The following DOCK3 variants were observed in gnomAD, a reference collection of about 807,000 sequenced individuals.
DOCK3 encodes the protein dedicator of cytokinesis protein 3.
A neutral mutation model predicts 265.6 loss-of-function variants in DOCK3; 60 were observed. The ratio of observed to expected loss-of-function variants is 0.23; its 90% CI spans 0.18 to 0.28. The LOEUF is 0.28. Ranked by LOEUF, DOCK3 falls within the 10% of genes least tolerant of loss-of-function variation. The pLI is 1.00. For synonymous variants in DOCK3, 881 were observed against 938.0 expected (o/e 0.94, Z 1.11); for missense variants, 1,981 against 2,594.3 (o/e 0.76, Z 5.14).
In DOCK3 at chr3:51,383,506, C is replaced by A. The variant is rs142916114; in HGVS notation, c.*1947C>A. 1.3e-5 allele frequency: 2 copies of A among 152,414 alleles called. No homozygotes were observed. Among genetic ancestry groups the A allele is most frequent in the East Asian group, 3.9e-4 (2 of 5,184 alleles). 9.4% of individuals were successfully genotyped at this position (152,414 alleles called of 1,614,324 possible). A position where few individuals can be genotyped will look rare whatever the true frequency, so the allele number is the denominator to read the frequency against. On this transcript the variant is annotated 3_prime_UTR_variant, in exon 53 of 53. Coordinates refer to ENST00000266037, the MANE Select transcript of DOCK3 (RefSeq NM_004947.5). Reference sequence around the variant, plus strand: ...GGAGGGCTTAGATTTTAAGGCACTTCTGAAAGTCAATCCCTGGACAAGGCA... The same window carrying A: ...GGAGGGCTTAGATTTTAAGGCACTTATGAAAGTCAATCCCTGGACAAGGCA...
chr3:50,783,447 T>C (rs1163502047), intron 2 of DOCK3, among the ~76,000 whole-genome samples: 1 of 152,224 alleles, frequency 6.6e-6, no homozygotes, highest in Admixed American at 6.5e-5. Context: ...CATTTTTTCA[T>C]GTGTTCATTG....
chr3:50,709,326 T>G (rs931726736), intron 1 of DOCK3, among the ~76,000 whole-genome samples: 1 of 152,198 alleles, frequency 6.6e-6, no homozygotes, highest in Non-Finnish European at 1.5e-5. Context: ...TATAGAAGCT[T>G]ATACCATCAG....
chr3:50,874,970 A>G (rs1370084892), intron 3 of DOCK3, among the ~76,000 whole-genome samples: 1 of 152,156 alleles, frequency 6.6e-6, no homozygotes, highest in African/African-American at 2.4e-5. Context: ...ACAGAAAACC[A>G]AACACCACAC....
At position 51,212,431 on chromosome 3, in the gene DOCK3, G is replaced by GTTT. The variant is rs1198836971; in HGVS notation, c.1127-1675_1127-1673dup. ...GCAGAATGGTTAGAGTACACCCACT[G>GTTT]TTTTTTTTTTTTTTTTTTGCTTTTG... is the stretch of plus-strand genomic sequence containing the variant. On this transcript the variant is annotated intron_variant, in intron 13 of 52. Transcript: ENST00000266037. Among the ~76,000 whole-genome samples the GTTT allele has an allele frequency of 9.6e-3, 1,080 of 112,224 alleles. 21 individuals are homozygous for GTTT. The highest frequency in any genetic ancestry group is 0.031 in the African/African-American group (961 of 31,112). 73.6% of individuals were successfully genotyped at this position (112,224 alleles called of 152,430 possible).
At chr3:50,827,073 T>C (rs1222913103) in intron 2 of DOCK3, among the ~76,000 whole-genome samples, 1 of 152,152 alleles carries the variant, frequency 6.6e-6, no homozygotes, top group Non-Finnish European at 1.5e-5. Flanking sequence ...AATTTCAGAA[T>C]ATTGGACCAA....
intron 1 of DOCK3, among the ~76,000 whole-genome samples, chr3:50,697,594 AAACAAACCAACCAACC>A (rs1301592048): frequency 1.3e-5 from 2 of 152,304 alleles, no homozygotes; most frequent in Non-Finnish European, 2.9e-5. Context: ...TCCGTCTCAA[AAACAAACCAACCAACC>A]AACAAACCAA....
rs535620054 is a variant in DOCK3, at chr3:51,200,310, C to T, written c.1038-8464C>T. On this transcript the variant is annotated intron_variant, in intron 12 of 52. Coordinates refer to ENST00000266037, the MANE Select transcript of DOCK3 (RefSeq NM_004947.5). ...AAAAATTTAGACGAATGTATAACTA[C>T]AATAACCAATACAGAGAAGTGCTTA... Among the ~76,000 whole-genome samples, 4 of 151,658 alleles carry T rather than the reference C, an allele frequency of 2.6e-5. No individual in the cohort carries two copies. In the East Asian group the frequency reaches 7.7e-4, roughly 29 times the overall value.
chr3:50,982,849 G>A (rs988052211), intron 5 of DOCK3, among the ~76,000 whole-genome samples: 15 of 152,178 alleles, frequency 9.9e-5, no homozygotes, highest in Admixed American at 9.8e-4. Flanking sequence ...AGGAGGCCCA[G>A]CCAGGGCTGC....
At position 51,303,064 on chromosome 3, in the gene DOCK3, C is replaced by T. The variant is rs1227873421; in HGVS notation, c.2923-7168C>T. 2.6e-5 allele frequency among the ~76,000 whole-genome samples: 4 copies of T among 151,988 alleles called. No homozygotes were observed. The East Asian group carries it at 5.8e-4, about 22-fold the overall frequency. ...GTCTCATTCAGGTACCCCCATCAGT[C>T]GTAGGTTCAGTCTTTTTACATATTC... On this transcript the variant is annotated intron_variant, in intron 27 of 52. Transcript: ENST00000266037.
At chr3:51,147,058 A>G (rs968854590) in intron 10 of DOCK3, among the ~76,000 whole-genome samples, 10 of 151,994 alleles carry the variant, frequency 6.6e-5, no homozygotes, top group Non-Finnish European at 1.5e-4. Flanking sequence ...AGCTGCAGTG[A>G]GCCAAGGTTG....
intron 5 of DOCK3, among the ~76,000 whole-genome samples, chr3:50,959,059 C>T (rs2076811221): frequency 2.0e-5 from 3 of 152,202 alleles, no homozygotes. Flanking sequence ...TTCCCATTTG[C>T]CGTCATTCCT....
chr3:51,106,780 G>C (rs1017619793), intron 9 of DOCK3, among the ~76,000 whole-genome samples: 1 of 152,058 alleles, frequency 6.6e-6, no homozygotes, highest in African/African-American at 2.4e-5. Flanking sequence ...TAATAGGAGG[G>C]GGTGCCCCCC....
intron 12 of DOCK3, 93 bp downstream of exon 12, chr3:51,160,795 C>CATA: frequency 6.9e-7 from 1 of 1,439,186 alleles, no homozygotes; most frequent in South Asian, 1.4e-5. Flanking sequence ...CTTGTGGACA[C>CATA]AGGCCACGCA....
At chr3:50,971,750 A>G (rs1025164500) in intron 5 of DOCK3, among the ~76,000 whole-genome samples, 2 of 152,222 alleles carry the variant, frequency 1.3e-5, no homozygotes, top group Admixed American at 6.5e-5. Context: ...GGGCTGGTCT[A>G]TAGAATACAC....
intron 4 of DOCK3, among the ~76,000 whole-genome samples, chr3:50,907,161 G>T (rs1020554479): frequency 1.3e-5 from 2 of 152,118 alleles, no homozygotes; most frequent in African/African-American, 2.4e-5. Flanking sequence ...TTCCTGAGGA[G>T]TGCTTTACTT....
At chr3:50,705,476 C>T (rs768436698) in intron 1 of DOCK3, among the ~76,000 whole-genome samples, 64 of 152,118 alleles carry the variant, frequency 4.2e-4, no homozygotes, top group South Asian at 1.5e-3. Context: ...AGTGCAGTGG[C>T]GTGATCTTGG....
intron 3 of DOCK3, among the ~76,000 whole-genome samples, chr3:50,889,544 G>T (rs1379553293): frequency 6.6e-6 from 1 of 151,730 alleles, no homozygotes; most frequent in South Asian, 2.1e-4. Context: ...AACAGTTTTG[G>T]AAAGAGTAAA....
At chr3:51,067,301 A>C (rs1461279230) in intron 6 of DOCK3, among the ~76,000 whole-genome samples, 1 of 152,214 alleles carries the variant, frequency 6.6e-6, no homozygotes, top group Non-Finnish European at 1.5e-5. Context: ...CAAATCTGAA[A>C]ATAAATAGAT....
At chr3:51,265,073 C>T (rs1043245269) in intron 23 of DOCK3, among the ~76,000 whole-genome samples, 7 of 152,050 alleles carry the variant, frequency 4.6e-5, no homozygotes, top group Non-Finnish European at 1.0e-4. Flanking sequence ...ACTATAAACA[C>T]CTCTGTGCAA....
Sources: allele counts gnomAD v4.1 joint callset (sites outside exome capture counted in the v4.1 genomes callset), GRCh38; gene constraint gnomAD v4.1.1; transcripts MANE v1.5; gene names NCBI Gene and HGNC (gene_info 2026-07-23, HGNC 2026-07-21).